Variants in LRRC4C observed in about 807,000 individuals in gnomAD.
The protein encoded by LRRC4C is leucine rich repeat containing 4C.
A neutral mutation model predicts 33.6 loss-of-function variants in LRRC4C; 5 were observed. That is an observed-to-expected ratio of 0.15 (90% CI 0.08 to 0.31). The LOEUF (loss-of-function observed/expected upper bound fraction) is 0.31, where lower values mean the gene tolerates loss of function less well. Ranked by LOEUF, LRRC4C falls within the 10% of genes least tolerant of loss-of-function variation. LRRC4C has a pLI of 1.00. For synonymous variants in LRRC4C, 329 were observed against 302.0 expected, an observed-to-expected ratio of 1.09 and a Z score of -0.93; for missense variants, 560 against 796.7, an observed-to-expected ratio of 0.70 and a Z score of 3.58.
chr11:40,525,079 G>A (rs569292462), intron 3 of LRRC4C, among the ~76,000 whole-genome samples: 5 of 152,180 alleles, frequency 3.3e-5, no homozygotes, highest in African/African-American at 1.2e-4. Flanking sequence ...AAGAAAACAA[G>A]GGCTCATGGA....
intron 3 of LRRC4C, among the ~76,000 whole-genome samples, chr11:40,462,422 T>C (rs1952443030): frequency 1.3e-5 from 2 of 152,032 alleles, no homozygotes; most frequent in South Asian, 4.1e-4. Flanking sequence ...ATTCTTTAAT[T>C]TATAGAGAGT....
intron 1 of LRRC4C, among the ~76,000 whole-genome samples, chr11:41,097,864 C>T (rs1254258221): frequency 6.6e-6 from 1 of 152,112 alleles, no homozygotes; most frequent in Non-Finnish European, 1.5e-5. Context: ...CATCCCTGTT[C>T]ATATTGGTGG....
At position 40,317,331 on chromosome 11, in the gene LRRC4C, A is replaced by C. The variant is rs1394661297; in HGVS notation, c.-176+2297T>G. Among the ~76,000 whole-genome samples the C allele has an allele frequency of 3.3e-5, 5 of 152,060 alleles. No individual in the cohort carries two copies. In the East Asian group the frequency reaches 9.7e-4, roughly 29 times the overall value. On this transcript the variant is annotated intron_variant, in intron 4 of 6. Coordinates refer to ENST00000528697, the MANE Select transcript of LRRC4C (RefSeq NM_001258419.2). ...CCTGATTATTCCTCATTCTTGTTTC[A>C]TCACAGTATTTTAATTTTCTAGGGT...
At chr11:41,366,199 CAGATAGATAGATAGATAGATAGAT>C (rs58970527) in intron 1 of LRRC4C, among the ~76,000 whole-genome samples, 7 of 148,684 alleles carry the variant, frequency 4.7e-5, no homozygotes, top group East Asian at 2.0e-4. Context: ...GATAGATAGA[CAGATAGATAGATAGATAGATAGAT>C]AGATAGATAG....
At chr11:40,904,751 C>G (rs1485470609) in intron 2 of LRRC4C, among the ~76,000 whole-genome samples, 2 of 152,138 alleles carry the variant, frequency 1.3e-5, no homozygotes, top group African/African-American at 4.8e-5. Context: ...TGTTATCTCT[C>G]TCTCTCTCGG....
chr11:41,381,922 GTA>G (rs35141780), intron 1 of LRRC4C, among the ~76,000 whole-genome samples: 85,744 of 149,682 alleles, frequency 0.57, 24,911 homozygotes, highest in East Asian at 0.79. Flanking sequence ...ATATGTGTTT[GTA>G]TATATATATG....
At chr11:41,117,797 CATT>C (rs1419080486) in intron 1 of LRRC4C, among the ~76,000 whole-genome samples, 2 of 151,924 alleles carry the variant, frequency 1.3e-5, no homozygotes, top group Admixed American at 6.6e-5. Flanking sequence ...GAAGAAATTT[CATT>C]ATTAATTAGT....
At chr11:40,151,710 A>T (rs1040775724) in intron 5 of LRRC4C, among the ~76,000 whole-genome samples, 4 of 152,176 alleles carry the variant, frequency 2.6e-5, no homozygotes, top group Non-Finnish European at 1.5e-5. Context: ...AACCATTATA[A>T]TAAAATATAG....
intron 1 of LRRC4C, among the ~76,000 whole-genome samples, chr11:40,955,742 T>C (rs2136787681): frequency 6.6e-6 from 1 of 151,972 alleles, no homozygotes; most frequent in East Asian, 1.9e-4. Context: ...AAAGATTCTC[T>C]TGCTTTGGAA....
intron 3 of LRRC4C, among the ~76,000 whole-genome samples, chr11:40,638,834 T>A (rs1320311684): frequency 6.6e-6 from 1 of 150,876 alleles, no homozygotes; most frequent in Admixed American, 6.6e-5. Flanking sequence ...TAGTTTAGCA[T>A]CATGAGGAAT....
chr11:41,416,065 A>C (rs1287566362), intron 1 of LRRC4C, among the ~76,000 whole-genome samples: 1 of 151,976 alleles, frequency 6.6e-6, no homozygotes, highest in Non-Finnish European at 1.5e-5. Context: ...GGGGAAGGAG[A>C]TAGGAAGCTG....
intron 2 of LRRC4C, among the ~76,000 whole-genome samples, chr11:40,786,186 A>G (rs1460064139): frequency 3.9e-5 from 6 of 152,138 alleles, no homozygotes; most frequent in African/African-American, 1.4e-4. Context: ...CAAAATATTC[A>G]TTCCCCTCAA....
intron 3 of LRRC4C, among the ~76,000 whole-genome samples, chr11:40,605,744 T>A (rs1290559023): frequency 6.6e-6 from 1 of 152,130 alleles, no homozygotes; most frequent in Non-Finnish European, 1.5e-5. Flanking sequence ...TTGGGGATCA[T>A]CAATAACAAA....
chr11:40,554,044 G>C (rs900624284), intron 3 of LRRC4C, among the ~76,000 whole-genome samples: 5 of 152,098 alleles, frequency 3.3e-5, no homozygotes, highest in African/African-American at 9.7e-5. Flanking sequence ...TATTATGTAG[G>C]TTTTCCTCTA....
intron 2 of LRRC4C, among the ~76,000 whole-genome samples, chr11:40,731,382 C>T (rs11036041): frequency 0.37 from 56,789 of 151,876 alleles, 10,920 homozygotes; most frequent in African/African-American, 0.4. Flanking sequence ...CTTGCTCCTG[C>T]TCTGGCCATG....
At chr11:40,669,235 A>G (rs11036006) in intron 2 of LRRC4C, among the ~76,000 whole-genome samples, 21,768 of 152,240 alleles carry the variant, frequency 0.14, 1,845 homozygotes, top group Non-Finnish European at 0.19. Flanking sequence ...CTGGACTTCA[A>G]TGAGTTTTTA....
intron 3 of LRRC4C, among the ~76,000 whole-genome samples, chr11:40,366,420 T>G (rs909939139): frequency 1.3e-5 from 2 of 152,018 alleles, no homozygotes; most frequent in African/African-American, 4.8e-5. Flanking sequence ...AAGTTGAGGT[T>G]CAGAATAGAA....
intron 1 of LRRC4C, among the ~76,000 whole-genome samples, chr11:41,039,870 G>A (rs939273817): frequency 4.6e-5 from 7 of 151,944 alleles, no homozygotes; most frequent in African/African-American, 1.5e-4. Flanking sequence ...GGCTGAGCGC[G>A]GTGGCTCACG....
At chr11:41,122,769 A>G (rs912114832) in intron 1 of LRRC4C, 6 of 152,106 alleles carry the variant, frequency 3.9e-5, no homozygotes, top group African/African-American at 1.2e-4. Flanking sequence ...TATAGCAGGT[A>G]GAGTATCCCC....
Sources: allele counts gnomAD v4.1 joint callset (sites outside exome capture counted in the v4.1 genomes callset), GRCh38; gene constraint gnomAD v4.1.1; transcripts MANE v1.5; gene names NCBI Gene and HGNC (gene_info 2026-07-23, HGNC 2026-07-21).